Variants in DNAJA3 observed in about 807,000 individuals in gnomAD.
DNAJA3 encodes dnaJ homolog subfamily A member 3, mitochondrial.
A neutral mutation model predicts 54.9 loss-of-function variants in DNAJA3; 29 were observed. The ratio of observed to expected loss-of-function variants is 0.53; its 90% CI spans 0.39 to 0.72. The LOEUF is 0.72. Ranked by LOEUF, DNAJA3 falls within the 30% of genes least tolerant of loss-of-function variation. DNAJA3 has a pLI of 0.00. For synonymous variants in DNAJA3, 302 were observed against 251.4 expected, an observed-to-expected ratio of 1.20 and a Z score of -1.90; for missense variants, 708 against 639.4, an observed-to-expected ratio of 1.11 and a Z score of -1.16.
At chr16:4,450,756 C>T (rs929816716) in intron 10 of DNAJA3, among the ~76,000 whole-genome samples, 3 of 152,208 alleles carry the variant, frequency 2.0e-5, no homozygotes, top group African/African-American at 4.8e-5. Flanking sequence ...GGCAGCTCTG[C>T]GTGTCTCAGA....
chr16:4,451,788 C>T (rs1383927442), intron 10 of DNAJA3, among the ~76,000 whole-genome samples: 2 of 139,062 alleles, frequency 1.4e-5, no homozygotes, highest in African/African-American at 2.7e-5. Flanking sequence ...GGGCCTGGCG[C>T]GGTGGCTCAC....
chr16:4,441,623 G>C, intron 4 of DNAJA3, 48 bp downstream of exon 4: 2 of 1,583,554 alleles, frequency 1.3e-6, no homozygotes, highest in Non-Finnish European at 8.6e-7. Flanking sequence ...ACTAAGTATG[G>C]GTCAAACAAA....
intron 7 of DNAJA3, among the ~76,000 whole-genome samples, chr16:4,445,197 G>A (rs1250337430): frequency 6.6e-6 from 1 of 152,204 alleles, no homozygotes; most frequent in Non-Finnish European, 1.5e-5. Context: ...GTGCACAAGA[G>A]TCCTGTCCAT....
chr16:4,426,052 C>T lies in DNAJA3; in HGVS notation c.171C>T (p.Pro57=), dbSNP rs1387199492. The change falls in exon 1 of 12, where the codon CCC becomes CCT. Residue 57 remains proline (P), a synonymous_variant. Coordinates refer to ENST00000262375, the MANE Select transcript of DNAJA3 (RefSeq NM_005147.6). ...AFASSLTSCG[P]RALLTLRPGV... ...CGTCTTCCCTGACCTCTTGCGGCCC[C>T]CGAGCGCTGCTGACATTGAGACCTG... 1.9e-6 allele frequency: 3 copies of T among 1,603,808 alleles called. No homozygotes were observed. The highest frequency in any genetic ancestry group is 2.6e-6 in the Non-Finnish European group (3 of 1,175,828).
intron 3 of DNAJA3, 147 bp downstream of exon 3, chr16:4,437,632 A>C: frequency 1.7e-6 from 1 of 590,550 alleles, no homozygotes; most frequent in Admixed American, 3.3e-5. Context: ...TAAGAAAAAT[A>C]AAAAAAAAGA....
intron 3 of DNAJA3, among the ~76,000 whole-genome samples, chr16:4,439,479 C>T (rs1249898976): frequency 6.6e-6 from 1 of 152,166 alleles, no homozygotes; most frequent in East Asian, 1.9e-4. Context: ...TCAACCTCAA[C>T]TTCCTGAGTA....
Position 4,441,588 on chromosome 16 carries a change from C to G in DNAJA3, c.630+13C>G. 6.2e-7 allele frequency: 1 copy of G among 1,611,368 alleles called. No homozygotes were observed. The highest frequency in any genetic ancestry group is 1.7e-4 in the Middle Eastern group (1 of 6,048). The stretch of plus-strand genomic sequence containing the variant: ...TCAGCCTCAGGAAGTAAGTTCCTCA[C>G]TTGGAAGAATTATTCAAATTTTAGA... On this transcript the variant is annotated intron_variant, in intron 4 of 11. Transcript: ENST00000262375.
chr16:4,444,446 C>G (rs550027746), intron 6 of DNAJA3, among the ~76,000 whole-genome samples: 1 of 150,910 alleles, frequency 6.6e-6, no homozygotes, highest in African/African-American at 2.4e-5. Flanking sequence ...TGGGTTCAAG[C>G]GATTCTCTTT....
rs773257595 is a variant in DNAJA3, at chr16:4,444,686, G to C, written c.954G>C (p.Val318=). ...TAGGAGTCGAGGATGGCCAGACCGTGAGGATGCCTGTGGGAAAAAGGGAAA... is the reference window on the plus strand; with the variant it reads ...TAGGAGTCGAGGATGGCCAGACCGTCAGGATGCCTGTGGGAAAAAGGGAAA... ...VPAGVEDGQT[V]RMPVGKREIF... Residue 318 remains valine, a synonymous_variant, in exon 7 of 12, where the codon GTG becomes GTC. Coordinates refer to ENST00000262375, the MANE Select transcript of DNAJA3 (RefSeq NM_005147.6). 1 of 1,614,212 alleles carries C rather than the reference G, an allele frequency of 6.2e-7. No homozygotes were observed. The highest frequency in any genetic ancestry group is 2.2e-5 in the East Asian group (1 of 44,876).
At position 4,448,790 on chromosome 16, in the gene DNAJA3, C is replaced by T. The variant is rs747893201; in HGVS notation, c.1183C>T (p.Arg395Trp). 8.7e-6 allele frequency: 14 copies of T among 1,614,036 alleles called. No homozygotes were observed. Among genetic ancestry groups the T allele is most frequent in the African/African-American group, 1.3e-5 (1 of 74,926 alleles). ...KIRMGGKGIP[R>W]INSYGYGDHY... ...TCGGATGGGTGGGAAAGGCATCCCC[C>T]GGATTAACAGCTACGGCTACGGAGA... Residue 395 changes from arginine (R) to tryptophan (W), a missense_variant, in exon 9 of 12, where the codon CGG becomes TGG. Coordinates refer to ENST00000262375, the MANE Select transcript of DNAJA3 (RefSeq NM_005147.6).
Position 4,425,932 on chromosome 16 carries a change from G to C in DNAJA3, c.51G>C (p.Pro17=). The C allele has an allele frequency of 1.3e-6, 2 of 1,554,316 alleles. No individual in the cohort carries two copies. The highest frequency in any genetic ancestry group is 8.7e-7 in the Non-Finnish European group (1 of 1,151,096). ...TRWLLVVVGT[P]RLPAISGRGA... Reference sequence around the variant, plus strand: ...GGTTGCTGGTGGTTGTGGGGACCCCGCGGCTGCCGGCTATATCGGGTAGAG... The same window carrying C: ...GGTTGCTGGTGGTTGTGGGGACCCCCCGGCTGCCGGCTATATCGGGTAGAG... The change falls in exon 1 of 12, where the codon CCG becomes CCC. Residue 17 remains proline, a synonymous_variant. Coordinates refer to ENST00000262375, the MANE Select transcript of DNAJA3 (RefSeq NM_005147.6).
chr16:4,442,386 T>A lies in DNAJA3; in HGVS notation c.749T>A (p.Val250Glu). ...AAGGGGAACGAGCCCGGCACCAAGG[T>A]GCAGCATTGCCACTACTGTGGCGGC... ...NGKGNEPGTKVQHCHYCGGSG... is the reference protein window; with the variant it reads ...NGKGNEPGTKEQHCHYCGGSG... The change falls in exon 5 of 12, where the codon GTG (valine) becomes GAG (glutamate). Residue 250 changes from valine to glutamate, a missense_variant. By Grantham distance (121) the Val-to-Glu change is moderately radical (BLOSUM62 -2). Transcript: ENST00000262375. 6.2e-7 allele frequency: 1 copy of A among 1,608,408 alleles called. No individual in the cohort carries two copies. Among genetic ancestry groups the A allele is most frequent in the Admixed American group, 1.7e-5 (1 of 59,528 alleles).
chr16:4,449,163 A>AT (rs1288154269), intron 9 of DNAJA3, among the ~76,000 whole-genome samples: 3 of 147,480 alleles, frequency 2.0e-5, no homozygotes, highest in Non-Finnish European at 4.5e-5. Context: ...TGCCCGGCTA[A>AT]TTTTTTGTAT....
rs1283447913 is a variant in DNAJA3, at chr16:4,426,020, G to T, written c.139G>T (p.Ala47Ser). ...AWLSRKLSVP[A>S]FASSLTSCGP... ...GCTGAGCCGCAAGCTGAGCGTCCCCGCCTTTGCGTCTTCCCTGACCTCTTG... is the reference window on the plus strand; with the variant it reads ...GCTGAGCCGCAAGCTGAGCGTCCCCTCCTTTGCGTCTTCCCTGACCTCTTG... The change falls in exon 1 of 12, where the codon GCC (alanine) becomes TCC (serine). Residue 47 changes from alanine (A) to serine (S), a missense_variant. Coordinates refer to ENST00000262375, the MANE Select transcript of DNAJA3 (RefSeq NM_005147.6). 2.5e-6 allele frequency: 4 copies of T among 1,608,098 alleles called. No individual in the cohort carries two copies. The highest frequency in any genetic ancestry group is 3.4e-6 in the Non-Finnish European group (4 of 1,177,832).
At chr16:4,441,635 T>A (rs1326889653) in intron 4 of DNAJA3, 60 bp downstream of exon 4, 4 of 1,556,612 alleles carry the variant, frequency 2.6e-6, no homozygotes, top group Admixed American at 3.6e-5. Flanking sequence ...TCAAACAAAT[T>A]TTTTTATCAG....
chr16:4,435,516 G>A (rs1485579675), intron 2 of DNAJA3, among the ~76,000 whole-genome samples: 3 of 152,132 alleles, frequency 2.0e-5, no homozygotes, highest in Non-Finnish European at 4.4e-5. Flanking sequence ...CCTAGCAGCT[G>A]CTAATCTGCG....
At chr16:4,442,502 A>G in intron 5 of DNAJA3, 82 bp downstream of exon 5, 2 of 1,430,724 alleles carry the variant, frequency 1.4e-6, no homozygotes, top group Non-Finnish European at 1.9e-6. Context: ...CTCCCAGAGA[A>G]CGTATGCTGG....
intron 3 of DNAJA3, chr16:4,440,574 A>G (rs1445099757): frequency 6.6e-6 from 1 of 150,496 alleles, no homozygotes; most frequent in Non-Finnish European, 1.5e-5. Context: ...CTGGCGACAG[A>G]GCAAGACTCC....
At chr16:4,449,370 A>G (rs1021763889) in intron 9 of DNAJA3, among the ~76,000 whole-genome samples, 2 of 151,008 alleles carry the variant, frequency 1.3e-5, no homozygotes, top group Non-Finnish European at 1.5e-5. Flanking sequence ...TGCTGCTGCT[A>G]TTGTTGATTT....
Sources: allele counts gnomAD v4.1 joint callset (sites outside exome capture counted in the v4.1 genomes callset), GRCh38; gene constraint gnomAD v4.1.1; transcripts MANE v1.5; gene names NCBI Gene and HGNC (gene_info 2026-07-23, HGNC 2026-07-21).